SCEL: variants seen among roughly 807,000 people sequenced by gnomAD.
SCEL encodes the protein sciellin.
SCEL carries 113 observed loss-of-function variants against 117.6 expected under a neutral mutation model. The observed-to-expected ratio is 0.96, with a 90% CI of 0.83 to 1.12. The LOEUF (loss-of-function observed/expected upper bound fraction) is 1.12. SCEL is among the 50% of genes most tolerant of loss of function. SCEL has a pLI of 0.00. For missense variants in SCEL, 785 were observed against 810.8 expected, an observed-to-expected ratio of 0.97 and a Z score of 0.39; for synonymous variants, 270 against 256.2, an observed-to-expected ratio of 1.05 and a Z score of -0.51.
Position 77,610,098 on chromosome 13 carries a change from T to C in SCEL, c.1329T>C (p.Thr443=). The change falls in exon 22 of 33, where the codon ACT becomes ACC. Residue 443 remains threonine (T), a synonymous_variant. Coordinates refer to ENST00000349847, the MANE Select transcript of SCEL (RefSeq NM_144777.3). The part of the protein sequence containing the change: ...LIKVTPERNR[T]NQGNQDLENL... ...AAGTGACTCCTGAAAGAAACAGAAC[T>C]AACCAAGGGTAAGGTTTATGGAACT... 1 of 1,607,986 alleles carries C rather than the reference T, an allele frequency of 6.2e-7. No homozygotes were observed. Among genetic ancestry groups the C allele is most frequent in the Non-Finnish European group, 8.5e-7 (1 of 1,176,218 alleles).
At chr13:77,641,299 A>C (rs1473352476) in intron 31 of SCEL, among the ~76,000 whole-genome samples, 1 of 152,184 alleles carries the variant, frequency 6.6e-6, no homozygotes, top group Non-Finnish European at 1.5e-5. Context: ...CTAAAGCTTC[A>C]TAGTTTGTGC....
chr13:77,559,740 A>G, intron 3 of SCEL, 64 bp from the exon 4 acceptor site: 3 of 1,463,534 alleles, frequency 2.0e-6, no homozygotes, highest in Non-Finnish European at 2.9e-6. Flanking sequence ...TGTCTCTCTC[A>G]TTTAGTGCTT....
intron 30 of SCEL, among the ~76,000 whole-genome samples, chr13:77,640,112 T>C (rs1211527295): frequency 1.3e-5 from 2 of 152,132 alleles, no homozygotes; most frequent in African/African-American, 4.8e-5. Context: ...TCACGATAGG[T>C]ATCCTTATAT....
At chr13:77,607,808 G>T (rs2088328594) in intron 19 of SCEL, among the ~76,000 whole-genome samples, 1 of 152,198 alleles carries the variant, frequency 6.6e-6, no homozygotes, top group Admixed American at 6.5e-5. Context: ...TGCAATACTT[G>T]CTAGCGGCCA....
At chr13:77,637,560 G>A (rs937799631) in intron 30 of SCEL, among the ~76,000 whole-genome samples, 9 of 151,974 alleles carry the variant, frequency 5.9e-5, no homozygotes, top group African/African-American at 2.2e-4. Flanking sequence ...ATTCCTGGCT[G>A]TTGCTGCTGT....
chr13:77,642,559 A>T (rs1259232843), intron 31 of SCEL, 147 bp from the exon 32 acceptor site: 2 of 494,882 alleles, frequency 4.0e-6, no homozygotes, highest in African/African-American at 2.0e-5. Flanking sequence ...CTGGACATTC[A>T]TATCTACTCC....
At chr13:77,606,637 A>G (rs1462420515) in intron 19 of SCEL, 1 of 152,188 alleles carries the variant, frequency 6.6e-6, no homozygotes, top group East Asian at 1.9e-4. Flanking sequence ...TAATTGTTTC[A>G]TTATTTGCAT....
chr13:77,612,835 T>A (rs987949047), intron 22 of SCEL, 56 bp from the exon 23 acceptor site: 19 of 1,040,510 alleles, frequency 1.8e-5, no homozygotes, highest in Non-Finnish European at 2.7e-5. Flanking sequence ...GTTGAAAAAA[T>A]ATACAAATTA....
intron 4 of SCEL, 42 bp from the exon 5 acceptor site, chr13:77,563,789 T>C (rs2085121847): frequency 6.8e-7 from 1 of 1,473,532 alleles, no homozygotes; most frequent in African/African-American, 1.4e-5. Flanking sequence ...TTTTTTGTAA[T>C]TGATTTGATT....
chr13:77,579,597 C>T (rs746045800), intron 9 of SCEL, among the ~76,000 whole-genome samples: 1 of 152,174 alleles, frequency 6.6e-6, no homozygotes, highest in East Asian at 1.9e-4. Context: ...CAGCTTCTAC[C>T]AGGGAGTCAT....
chr13:77,580,537 T>G (rs994532187), intron 9 of SCEL, among the ~76,000 whole-genome samples: 2 of 152,188 alleles, frequency 1.3e-5, no homozygotes, highest in Non-Finnish European at 2.9e-5. Flanking sequence ...TTGTATTCTG[T>G]TTTTGGTAAA....
intron 28 of SCEL, among the ~76,000 whole-genome samples, chr13:77,628,765 A>G (rs1238845664): frequency 6.6e-6 from 1 of 152,198 alleles, no homozygotes; most frequent in African/African-American, 2.4e-5. Flanking sequence ...AAAGCTAGGA[A>G]AAGAGCTGGC....
intron 17 of SCEL, 76 bp from the exon 18 acceptor site, chr13:77,603,000 A>G: frequency 3.6e-6 from 3 of 830,010 alleles, no homozygotes; most frequent in South Asian, 3.9e-5. Flanking sequence ...TGAATTAATC[A>G]TTGGGAATAC....
chr13:77,620,746 A>G (rs950927415), intron 27 of SCEL, among the ~76,000 whole-genome samples: 1 of 152,166 alleles, frequency 6.6e-6, no homozygotes, highest in African/African-American at 2.4e-5. Context: ...ATTGAAAAGC[A>G]TCTAGTGACA....
At chr13:77,555,302 T>C (rs1357021279) in intron 1 of SCEL, among the ~76,000 whole-genome samples, 1 of 152,202 alleles carries the variant, frequency 6.6e-6, no homozygotes, top group Non-Finnish European at 1.5e-5. Flanking sequence ...ATGTGGCGGT[T>C]GCCTAAAATC....
chr13:77,556,369 A>G (rs1204542946), intron 2 of SCEL, among the ~76,000 whole-genome samples: 1 of 152,186 alleles, frequency 6.6e-6, no homozygotes, highest in East Asian at 1.9e-4. Flanking sequence ...CATGAGTGGC[A>G]CTGGCAGTTT....
intron 4 of SCEL, 106 bp from the exon 5 acceptor site, chr13:77,563,725 C>A: frequency 1.4e-6 from 1 of 737,646 alleles, no homozygotes; most frequent in Non-Finnish European, 2.2e-6. Flanking sequence ...ATGTATATTT[C>A]CTACTGAAAT....
At chr13:77,624,716 T>C (rs1290628606) in intron 27 of SCEL, among the ~76,000 whole-genome samples, 1 of 152,144 alleles carries the variant, frequency 6.6e-6, no homozygotes, top group Non-Finnish European at 1.5e-5. Flanking sequence ...TGGACAGAGA[T>C]GGAGGTGAAA....
At chr13:77,596,231 G>A (rs1004078104) in intron 12 of SCEL, among the ~76,000 whole-genome samples, 3 of 152,084 alleles carry the variant, frequency 2.0e-5, no homozygotes, top group Non-Finnish European at 4.4e-5. Context: ...TACTTGGGAG[G>A]CTGAGGCAGG....
Sources: gnomAD v4.1 joint callset for allele counts (sites outside exome capture counted in the v4.1 genomes callset) on GRCh38, gnomAD v4.1.1 for gene constraint, MANE v1.5 for transcripts, NCBI Gene and HGNC (gene_info 2026-07-23, HGNC 2026-07-21) for gene names.